Variants in KLF15 observed in about 807,000 individuals in gnomAD.
KLF15 encodes KLF transcription factor 15, also known as Krueppel-like factor 15.
Under a neutral mutation model 24.6 loss-of-function variants are expected in KLF15, and 4 were observed. The ratio of observed to expected loss-of-function variants is 0.16; its 90% CI spans 0.08 to 0.37. The LOEUF is 0.37. KLF15 is among the 10% of genes least tolerant of loss of function. The probability of loss-of-function intolerance (pLI) is 1.00; values close to 1 mark genes in which losing one functional copy is unlikely to be tolerated. For synonymous variants in KLF15, 246 were observed against 236.3 expected, an observed-to-expected ratio of 1.04 and a Z score of -0.37; for missense variants, 496 against 560.6, an observed-to-expected ratio of 0.88 and a Z score of 1.16.
At chr3:126,299,383 G>T in the KLF15 span, among the ~76,000 whole-genome samples, 1 of 151,994 alleles carries the variant, frequency 6.6e-6, no homozygotes, top group Non-Finnish European at 1.5e-5. Context: ...TTCATTTATC[G>T]TATCTAGGAG....
the KLF15 span, among the ~76,000 whole-genome samples, chr3:126,306,398 C>A: frequency 6.6e-6 from 1 of 152,134 alleles, no homozygotes; most frequent in African/African-American, 2.4e-5. Context: ...TGTTCCCCAC[C>A]CCTAAGATTA....
chr3:126,307,881 G>A, the KLF15 span, among the ~76,000 whole-genome samples: 6 of 152,076 alleles, frequency 3.9e-5, no homozygotes, highest in Non-Finnish European at 8.8e-5. Flanking sequence ...CAGGCCACCC[G>A]AACTCCAGAC....
the KLF15 span, among the ~76,000 whole-genome samples, chr3:126,296,055 T>A: frequency 6.6e-6 from 1 of 152,238 alleles, no homozygotes; most frequent in African/African-American, 2.4e-5. Context: ...ACAATGGTCC[T>A]GAATAAAGCC....
At chr3:126,322,359 G>C in the KLF15 span, among the ~76,000 whole-genome samples, 490 of 152,266 alleles carry the variant, frequency 3.2e-3, 7 homozygotes, top group African/African-American at 0.012. Context: ...TGCTTCCCCA[G>C]CTTCCAGAGG....
the KLF15 span, among the ~76,000 whole-genome samples, chr3:126,297,672 C>G: frequency 6.6e-6 from 1 of 152,160 alleles, no homozygotes; most frequent in Non-Finnish European, 1.5e-5. Context: ...AGCTTAGCTC[C>G]CCCTTATAAG....
the KLF15 span, among the ~76,000 whole-genome samples, chr3:126,315,403 G>A: frequency 6.6e-6 from 1 of 152,186 alleles, no homozygotes; most frequent in African/African-American, 2.4e-5. Context: ...CTAAGTGGTA[G>A]GATGGGCCCA....
the KLF15 span, among the ~76,000 whole-genome samples, chr3:126,305,226 A>G: frequency 5.9e-5 from 9 of 152,342 alleles, no homozygotes; most frequent in East Asian, 1.5e-3. Flanking sequence ...ATAAGAAATA[A>G]ACTTATATTT....
chr3:126,328,717 G>A, the KLF15 span, among the ~76,000 whole-genome samples: 5 of 152,058 alleles, frequency 3.3e-5, no homozygotes, highest in African/African-American at 1.2e-4. Flanking sequence ...TTTCCCCCAT[G>A]CTTGGATATA....
chr3:126,308,626 G>A, the KLF15 span, among the ~76,000 whole-genome samples: 249 of 152,292 alleles, frequency 1.6e-3, no homozygotes, highest in African/African-American at 5.5e-3. Flanking sequence ...AGGGCTCAGC[G>A]CGAAGGCCTC....
the KLF15 span, among the ~76,000 whole-genome samples, chr3:126,327,010 C>G: frequency 1.1e-4 from 16 of 152,130 alleles, no homozygotes; most frequent in African/African-American, 3.9e-4. Flanking sequence ...TTCATCAAAA[C>G]TAGGAAATGA....
the KLF15 span, among the ~76,000 whole-genome samples, chr3:126,293,636 A>G: frequency 6.6e-6 from 1 of 152,170 alleles, no homozygotes; most frequent in Non-Finnish European, 1.5e-5. Flanking sequence ...ATGCCTGTCC[A>G]GAAGACCCTG....
intron 2 of KLF15, among the ~76,000 whole-genome samples, chr3:126,347,486 C>G (rs556232072): frequency 6.6e-6 from 1 of 152,348 alleles, no homozygotes; most frequent in Non-Finnish European, 1.5e-5. Context: ...CCCACCACAT[C>G]CACTGTGGAC....
At chr3:126,310,977 C>T in the KLF15 span, among the ~76,000 whole-genome samples, 23,345 of 152,088 alleles carry the variant, frequency 0.15, 3,175 homozygotes, top group African/African-American at 0.37. Flanking sequence ...ATCGCCACCG[C>T]GGCCCACTCT....
downstream of KLF15, among the ~76,000 whole-genome samples, chr3:126,338,119 C>A (rs536354668): frequency 6.6e-6 from 1 of 152,206 alleles, no homozygotes; most frequent in Admixed American, 6.5e-5. Context: ...TGCAGGGCAT[C>A]CTCTGCCAGG....
rs531046114 is a variant in KLF15 at position 126,343,581 on chromosome 3, G to C, written c.*146C>G. 1.5e-5 allele frequency: 12 copies of C among 780,608 alleles called. No individual in the cohort carries two copies. The Admixed American group carries it at 2.7e-4, about 18-fold the overall frequency. 48.4% of individuals were successfully genotyped at this position (780,608 alleles called of 1,614,324 possible). On this transcript the variant is annotated 3_prime_UTR_variant, in exon 3 of 3. Coordinates refer to ENST00000296233, the MANE Select transcript of KLF15 (RefSeq NM_014079.4). ...TCCCGAGAAAGGCAGCGGTTGGCGG[G>C]CCCTGGGTTCACACCTCCCAGGCTT...
At chr3:126,293,069 G>A in the KLF15 span, among the ~76,000 whole-genome samples, 258 of 151,630 alleles carry the variant, frequency 1.7e-3, no homozygotes, top group Middle Eastern at 0.024. Context: ...CAGCACTTTC[G>A]GAGGCTGAGG....
the KLF15 span, chr3:126,288,886 A>G: frequency 6.6e-6 from 1 of 152,236 alleles, no homozygotes; most frequent in African/African-American, 2.4e-5. Context: ...TTCAATATCA[A>G]TGAAAATCGC....
chr3:126,289,682 C>G, the KLF15 span, among the ~76,000 whole-genome samples: 1 of 152,212 alleles, frequency 6.6e-6, no homozygotes, highest in Non-Finnish European at 1.5e-5. Flanking sequence ...TTAATAAATA[C>G]AGGGCTTACC....
the KLF15 span, among the ~76,000 whole-genome samples, chr3:126,319,433 T>C: frequency 0.67 from 102,385 of 152,188 alleles, 35,084 homozygotes; most frequent in African/African-American, 0.8. Context: ...TCCACATCAT[T>C]GCCAGCATTT....
Sources: gnomAD v4.1 joint callset for allele counts (sites outside exome capture counted in the v4.1 genomes callset) on GRCh38, gnomAD v4.1.1 for gene constraint, MANE v1.5 for transcripts, NCBI Gene and HGNC (gene_info 2026-07-23, HGNC 2026-07-21) for gene names.